GAS7: variants seen among roughly 807,000 people sequenced by gnomAD.
GAS7 encodes growth arrest specific 7, also known as growth arrest-specific protein 7.
A neutral mutation model predicts 71.1 loss-of-function variants in GAS7; 28 were observed. The ratio of observed to expected loss-of-function variants is 0.39; its 90% confidence interval spans 0.29 to 0.54. The LOEUF is 0.54. Among genes scored for constraint, GAS7 ranks in the 20% least tolerant of loss-of-function variants. The pLI is 0.62. For missense variants in GAS7, 436 were observed against 627.8 expected (o/e 0.69, Z 3.27); for synonymous variants, 258 against 245.8 (o/e 1.05, Z -0.46).
At chr17:10,131,746 CATGTGCTCATGA>C (rs2073998803) in intron 1 of GAS7, among the ~76,000 whole-genome samples, 1 of 152,152 alleles carries the variant, frequency 6.6e-6, no homozygotes, top group Non-Finnish European at 1.5e-5. Flanking sequence ...TGTATGAATA[CATGTGCTCATGA>C]ATGTATATAC....
chr17:10,131,121 C>G (rs964517721), intron 1 of GAS7, among the ~76,000 whole-genome samples: 2 of 152,218 alleles, frequency 1.3e-5, no homozygotes, highest in African/African-American at 2.4e-5. Flanking sequence ...TCCCTGACCC[C>G]TCCAGGTTAC....
At chr17:9,983,512 C>A (rs939715799) in intron 2 of GAS7, among the ~76,000 whole-genome samples, 2 of 148,050 alleles carry the variant, frequency 1.4e-5, no homozygotes, top group Admixed American at 6.7e-5. Context: ...ATAGGCCGGG[C>A]GCGGTGGCTC....
chr17:9,959,335 G>T lies in GAS7; in HGVS notation c.472-80C>A. ...TTCCCCCCATTCAGGTTCCCTGAGG[G>T]TGGAGGCGCTGGGGAATCAGGGATG... On this transcript the variant is annotated intron_variant, in intron 4 of 13. Transcript: ENST00000432992. The surrounding 1 kb of genome is among the most constrained non-coding windows in gnomAD (Gnocchi z 5.0). The T allele has an allele frequency of 6.2e-7, 1 of 1,602,552 alleles. No homozygotes were observed. The highest frequency in any genetic ancestry group is 8.5e-7 in the Non-Finnish European group (1 of 1,174,020).
intron 4 of GAS7, among the ~76,000 whole-genome samples, chr17:9,961,813 G>A (rs2069506559): frequency 6.6e-6 from 1 of 152,208 alleles, no homozygotes; most frequent in Admixed American, 6.5e-5. Context: ...ATAGTAAACA[G>A]AGGAGTGGAA....
In GAS7 at chr17:9,988,849, C is replaced by CTT. The variant is rs554594604; in HGVS notation, c.305-6967_305-6966dup. ...CCTATGAGATAGGTGCTGTCATTTC[C>CTT]TTTTTTTTTTTTTTTTTGAGACGGA... On this transcript the variant is annotated intron_variant, in intron 2 of 13. Transcript: ENST00000432992. Among the ~76,000 whole-genome samples the CTT allele has an allele frequency of 7.9e-3, 1,042 of 131,748 alleles. 28 individuals carry two copies. The highest frequency in any genetic ancestry group is 0.026 in the African/African-American group (879 of 34,338). 86.4% of individuals were successfully genotyped at this position (131,748 alleles called of 152,430 possible). A position where few individuals can be genotyped will look rare whatever the true frequency, so the allele number is the denominator to read the frequency against.
intron 3 of GAS7, among the ~76,000 whole-genome samples, chr17:9,979,322 A>G (rs565685675): frequency 1.3e-5 from 2 of 152,222 alleles, no homozygotes; most frequent in South Asian, 4.1e-4. Context: ...GGAGTTGTCA[A>G]CACACTCAGT....
chr17:9,932,256 G>A (rs2068237640), intron 9 of GAS7, among the ~76,000 whole-genome samples: 1 of 148,844 alleles, frequency 6.7e-6, no homozygotes, highest in Admixed American at 6.7e-5. Flanking sequence ...GTGCAGTGGC[G>A]TGAACTCGGC....
intron 1 of GAS7, among the ~76,000 whole-genome samples, chr17:10,175,550 A>G (rs1037449138): frequency 2.6e-5 from 4 of 152,276 alleles, no homozygotes; most frequent in African/African-American, 9.6e-5. Context: ...TCTTAAAAGG[A>G]CACCAGTCAT....
chr17:10,176,292 G>A (rs1345942372), intron 1 of GAS7, among the ~76,000 whole-genome samples: 1 of 152,224 alleles, frequency 6.6e-6, no homozygotes, highest in Non-Finnish European at 1.5e-5. Flanking sequence ...GACCACAGCA[G>A]AGAGGTGAGG....
intron 1 of GAS7, among the ~76,000 whole-genome samples, chr17:10,035,757 C>G (rs1175148550): frequency 6.6e-6 from 1 of 152,138 alleles, no homozygotes; most frequent in Non-Finnish European, 1.5e-5. Flanking sequence ...TGAAACAAGG[C>G]TGTTGTACTG....
At chr17:10,095,071 C>A (rs1460383654) in intron 1 of GAS7, among the ~76,000 whole-genome samples, 1 of 152,148 alleles carries the variant, frequency 6.6e-6, no homozygotes, top group Non-Finnish European at 1.5e-5. Flanking sequence ...GTTCAAGTCC[C>A]AGCTGCACAA....
chr17:9,941,774 T>C (rs1457777692), intron 7 of GAS7, among the ~76,000 whole-genome samples: 1 of 152,190 alleles, frequency 6.6e-6, no homozygotes, highest in Non-Finnish European at 1.5e-5. Flanking sequence ...AACCTCTCCG[T>C]TTCCCACCAG....
chr17:10,111,538 A>C (rs2073813113), intron 1 of GAS7, among the ~76,000 whole-genome samples: 1 of 110,056 alleles, frequency 9.1e-6, no homozygotes, highest in African/African-American at 3.2e-5. Context: ...GTCTCAAAAA[A>C]ACAAACAAAC....
chr17:9,915,984 G>A lies in GAS7; in HGVS notation c.*1244C>T. The A allele has an allele frequency of 4.3e-6, 1 of 233,032 alleles. No homozygotes were observed. Among genetic ancestry groups the A allele is most frequent in the South Asian group, 1.8e-4 (1 of 5,522 alleles). 14.4% of individuals were successfully genotyped at this position (233,032 alleles called of 1,614,324 possible). A position where few individuals can be genotyped will look rare whatever the true frequency, so the allele number is the denominator to read the frequency against. ...GAAGATGGAGAGAGGGAAAGGAGGT[G>A]CAGACACCAAGTAAGGGTTTGGTGC... On this transcript the variant is annotated 3_prime_UTR_variant, in exon 14 of 14. Coordinates refer to ENST00000432992, the MANE Select transcript of GAS7 (RefSeq NM_201433.2).
At chr17:10,105,047 C>T (rs1249581443) in intron 1 of GAS7, among the ~76,000 whole-genome samples, 1 of 152,194 alleles carries the variant, frequency 6.6e-6, no homozygotes, top group Non-Finnish European at 1.5e-5. Flanking sequence ...CTGTTTTCTG[C>T]TCTTCCCCTC....
At chr17:10,075,418 C>G (rs2073379898) in intron 1 of GAS7, among the ~76,000 whole-genome samples, 1 of 151,810 alleles carries the variant, frequency 6.6e-6, no homozygotes, top group Non-Finnish European at 1.5e-5. Flanking sequence ...ACCCTGGAAG[C>G]TTTTCTGTTA....
intron 2 of GAS7, among the ~76,000 whole-genome samples, chr17:10,013,877 T>C (rs928383964): frequency 3.3e-5 from 5 of 152,204 alleles, no homozygotes; most frequent in African/African-American, 1.2e-4. Flanking sequence ...ACACCTGTGC[T>C]GCAAGGCCCC....
intron 1 of GAS7, among the ~76,000 whole-genome samples, chr17:10,148,886 G>A (rs1431545425): frequency 1.9e-4 from 26 of 137,304 alleles, no homozygotes; most frequent in African/African-American, 7.5e-4. Flanking sequence ...CTCCAACCTG[G>A]GCGACAGAGA....
At chr17:10,160,939 TACACACACACACACACAC>T (rs61578754) in intron 1 of GAS7, among the ~76,000 whole-genome samples, 110 of 139,700 alleles carry the variant, frequency 7.9e-4, no homozygotes, top group African/African-American at 2.7e-3. Context: ...ATTGAAACCA[TACACACACACACACACAC>T]ACACACACAC....
Sources: allele counts gnomAD v4.1 joint callset (sites outside exome capture counted in the v4.1 genomes callset), GRCh38; gene constraint gnomAD v4.1.1; non-coding constraint Gnocchi (gnomAD v3.1); transcripts MANE v1.5; gene names NCBI Gene and HGNC (gene_info 2026-07-23, HGNC 2026-07-21).